The following LRMDA variants were observed in gnomAD, a reference collection of about 807,000 sequenced individuals.
LRMDA encodes the protein leucine-rich melanocyte differentiation-associated protein.
In LRMDA, 18 loss-of-function variants were observed where a neutral mutation model predicts 29.8. The observed-to-expected ratio is 0.60, with a 90% CI of 0.42 to 0.90. The LOEUF (loss-of-function observed/expected upper bound fraction) is 0.90. LRMDA is among the 40% of genes least tolerant of loss of function. LRMDA has a pLI of 0.00. For missense variants in LRMDA, 273 were observed against 273.9 expected (o/e 1.00, Z 0.02); for synonymous variants, 125 against 109.4 (o/e 1.14, Z -0.89).
intron 2 of LRMDA, among the ~76,000 whole-genome samples, chr10:75,921,773 G>A (rs908817458): frequency 6.6e-6 from 1 of 152,178 alleles, no homozygotes; most frequent in Non-Finnish European, 1.5e-5. Context: ...TTATTTTCAA[G>A]ATCTAAAATT....
intron 2 of LRMDA, among the ~76,000 whole-genome samples, chr10:76,035,668 G>A (rs1334647198): frequency 1.3e-5 from 2 of 152,162 alleles, no homozygotes; most frequent in African/African-American, 4.8e-5. Context: ...TGGAGGTTAG[G>A]GTCAGCCGAG....
intron 6 of LRMDA, among the ~76,000 whole-genome samples, chr10:76,529,962 G>T (rs553330907): frequency 2.6e-5 from 4 of 152,216 alleles, no homozygotes; most frequent in Admixed American, 2.0e-4. Flanking sequence ...AGTCTTTGAG[G>T]CCAAGCATAA....
chr10:76,124,215 G>A (rs907332082), intron 5 of LRMDA, among the ~76,000 whole-genome samples: 1 of 152,172 alleles, frequency 6.6e-6, no homozygotes, highest in East Asian at 1.9e-4. Context: ...AGATGAAAGG[G>A]GGTTGGGATT....
At chr10:76,168,333 A>G (rs554843155) in intron 5 of LRMDA, among the ~76,000 whole-genome samples, 1 of 152,168 alleles carries the variant, frequency 6.6e-6, no homozygotes, top group Admixed American at 6.5e-5. Context: ...TCTCAGTGAC[A>G]CCAGATTTCC....
intron 2 of LRMDA, among the ~76,000 whole-genome samples, chr10:75,903,478 G>A (rs1345981724): frequency 2.6e-5 from 4 of 152,188 alleles, no homozygotes; most frequent in Non-Finnish European, 5.9e-5. Context: ...AAATCACTTC[G>A]CGATTCCATT....
Position 76,304,486 on chromosome 10 carries a change from G to A in LRMDA, c.517-19915G>A, listed in dbSNP as rs959051814. ...AAGGGGTGTCCACATGGGGAATTTT[G>A]GAGGGAGGAACTATGCATGCCACCT... On this transcript the variant is annotated intron_variant, in intron 5 of 6. Transcript: ENST00000611255. 2.0e-5 allele frequency among the ~76,000 whole-genome samples: 3 copies of A among 152,142 alleles called. No homozygotes were observed. The East Asian group carries it at 5.8e-4, about 29-fold the overall frequency.
chr10:76,009,272 CTG>C (rs1589286868), intron 2 of LRMDA, among the ~76,000 whole-genome samples: 2 of 152,290 alleles, frequency 1.3e-5, no homozygotes, highest in East Asian at 3.9e-4. Flanking sequence ...ACTCCCAGTT[CTG>C]TGTTTTTCTC....
intron 2 of LRMDA, among the ~76,000 whole-genome samples, chr10:75,472,784 A>G (rs777303858): frequency 6.6e-6 from 1 of 152,222 alleles, no homozygotes; most frequent in Non-Finnish European, 1.5e-5. Flanking sequence ...AACATCTTGA[A>G]GCTGCCTTTT....
chr10:75,692,219 A>AATATATATAT (rs57600678), intron 2 of LRMDA, among the ~76,000 whole-genome samples: 2 of 87,566 alleles, frequency 2.3e-5, no homozygotes, highest in African/African-American at 5.5e-5. Flanking sequence ...AAAAAAAAAA[A>AATATATATAT]ATATATATAT....
At chr10:75,951,989 A>G (rs537363772) in intron 2 of LRMDA, among the ~76,000 whole-genome samples, 68 of 152,304 alleles carry the variant, frequency 4.5e-4, no homozygotes, top group Middle Eastern at 3.4e-3. Flanking sequence ...AATAAAATGC[A>G]GTATGTCCAT....
chr10:75,979,146 T>G (rs1257190133), intron 2 of LRMDA, among the ~76,000 whole-genome samples: 1 of 152,232 alleles, frequency 6.6e-6, no homozygotes, highest in Admixed American at 6.5e-5. Context: ...CCCGTGAACA[T>G]TAGTCATTGT....
intron 2 of LRMDA, among the ~76,000 whole-genome samples, chr10:75,726,536 G>C (rs142627896): frequency 6.6e-6 from 1 of 152,262 alleles, no homozygotes; most frequent in Non-Finnish European, 1.5e-5. Context: ...CAGGTCTTAC[G>C]ATTTCTTACT....
At chr10:76,059,802 T>C (rs1380189797) in intron 5 of LRMDA, among the ~76,000 whole-genome samples, 3 of 152,248 alleles carry the variant, frequency 2.0e-5, no homozygotes, top group Non-Finnish European at 4.4e-5. Context: ...GCCACTTTCT[T>C]TCCCTGAATC....
At chr10:75,998,793 G>A (rs1338123316) in intron 2 of LRMDA, among the ~76,000 whole-genome samples, 1 of 152,190 alleles carries the variant, frequency 6.6e-6, no homozygotes, top group African/African-American at 2.4e-5. Flanking sequence ...TGTAATTTGG[G>A]AGTTCAATAT....
intron 2 of LRMDA, among the ~76,000 whole-genome samples, chr10:75,572,758 A>G (rs1375995999): frequency 6.6e-6 from 1 of 152,180 alleles, no homozygotes; most frequent in African/African-American, 2.4e-5. Context: ...TCTTCCTAAA[A>G]TTTATATGTT....
chr10:76,220,213 A>G (rs1195676060), intron 5 of LRMDA, among the ~76,000 whole-genome samples: 1 of 152,108 alleles, frequency 6.6e-6, no homozygotes, highest in African/African-American at 2.4e-5. Flanking sequence ...AAGAACTAGA[A>G]AAGCAAGAGC....
chr10:76,360,978 G>A (rs1841303857), intron 6 of LRMDA, among the ~76,000 whole-genome samples: 1 of 152,160 alleles, frequency 6.6e-6, no homozygotes, highest in African/African-American at 2.4e-5. Flanking sequence ...AGGATTAAAT[G>A]GGCTGGGTGT....
intron 5 of LRMDA, among the ~76,000 whole-genome samples, chr10:76,142,489 C>T (rs1290069014): frequency 6.8e-6 from 1 of 147,554 alleles, no homozygotes; most frequent in Admixed American, 6.9e-5. Context: ...CTGTTTAAAA[C>T]TTTGGTAAAA....
At chr10:76,151,624 G>A (rs961724921) in intron 5 of LRMDA, among the ~76,000 whole-genome samples, 5 of 152,316 alleles carry the variant, frequency 3.3e-5, no homozygotes, top group Non-Finnish European at 7.3e-5. Flanking sequence ...CCAGGGCCCT[G>A]TAAATTAGAT....
Sources: gnomAD v4.1 joint callset for allele counts (sites outside exome capture counted in the v4.1 genomes callset) on GRCh38, gnomAD v4.1.1 for gene constraint, MANE v1.5 for transcripts, NCBI Gene and HGNC (gene_info 2026-07-23, HGNC 2026-07-21) for gene names.